Variants in GALNT13 observed in about 807,000 individuals in gnomAD.
GALNT13 encodes the protein UDP-GalNAc:polypeptide N-acetylgalactosaminyltransferase 13.
In GALNT13, 28 loss-of-function variants were observed where a neutral mutation model predicts 64.2. The observed-to-expected ratio is 0.44, with a 90% CI of 0.32 to 0.60. GALNT13 has a LOEUF of 0.60. Ranked by LOEUF, GALNT13 falls within the 20% of genes least tolerant of loss-of-function variation. The pLI, the probability that GALNT13 is intolerant of heterozygous loss-of-function variation, is 0.05. For missense variants in GALNT13, 577 were observed against 669.8 expected (o/e 0.86, Z 1.53); for synonymous variants, 214 against 224.6 (o/e 0.95, Z 0.42).
intron 3 of GALNT13, among the ~76,000 whole-genome samples, chr2:154,121,600 TAA>T (rs1055382140): frequency 2.6e-5 from 4 of 152,158 alleles, no homozygotes; most frequent in South Asian, 2.1e-4. Context: ...TGTTAAATAT[TAA>T]GAGTACATTT....
In GALNT13 at chr2:153,977,390, T is replaced by C. The variant is rs560115267; in HGVS notation, c.142+32751T>C. 6.6e-5 allele frequency among the ~76,000 whole-genome samples: 10 copies of C among 152,186 alleles called. No homozygotes were observed. The South Asian group carries it at 2.1e-3, about 32-fold the overall frequency. ...AAGGCTGGAGAAACCTCAGGAAACT[T>C]TAAAGCAGAAAGGGAAGCAAACACA... On this transcript the variant is annotated intron_variant, in intron 3 of 12. Coordinates refer to ENST00000392825, the MANE Select transcript of GALNT13 (RefSeq NM_052917.4).
chr2:154,382,817 G>C (rs754346193), intron 9 of GALNT13, among the ~76,000 whole-genome samples: 38 of 150,700 alleles, frequency 2.5e-4, no homozygotes, highest in Non-Finnish European at 4.3e-4. Context: ...AGTTTCTACT[G>C]TTCTTAGTAG....
chr2:153,892,133 A>G (rs967728238), intron 1 of GALNT13, among the ~76,000 whole-genome samples: 1 of 151,980 alleles, frequency 6.6e-6, no homozygotes, highest in Non-Finnish European at 1.5e-5. Flanking sequence ...GTGCCCTCAC[A>G]TGCCTCCCAT....
chr2:153,297,113 T>G, the GALNT13 span, among the ~76,000 whole-genome samples: 1 of 152,180 alleles, frequency 6.6e-6, no homozygotes, highest in African/African-American at 2.4e-5. Flanking sequence ...CAGACAGTAT[T>G]AAACTTTTAA....
intron 8 of GALNT13, among the ~76,000 whole-genome samples, chr2:154,289,242 A>C (rs1692461277): frequency 6.6e-6 from 1 of 152,216 alleles, no homozygotes; most frequent in African/African-American, 2.4e-5. Flanking sequence ...CCAAGTCCCA[A>C]GACTGCATAA....
the GALNT13 span, among the ~76,000 whole-genome samples, chr2:153,629,033 T>A: frequency 6.6e-6 from 1 of 152,178 alleles, no homozygotes; most frequent in Non-Finnish European, 1.5e-5. Context: ...AGCCTGTTAT[T>A]GGTCTATTCA....
chr2:153,368,699 G>A, the GALNT13 span, among the ~76,000 whole-genome samples: 1 of 152,186 alleles, frequency 6.6e-6, no homozygotes, highest in East Asian at 1.9e-4. Context: ...GCTGAGAGGT[G>A]AAATAAACAA....
At chr2:153,721,612 G>A in the GALNT13 span, among the ~76,000 whole-genome samples, 122 of 149,758 alleles carry the variant, frequency 8.1e-4, no homozygotes, top group African/African-American at 2.8e-3. Flanking sequence ...AAGGATGGAG[G>A]AAGATCTACC....
chr2:153,881,971 T>A (rs1686814937), intron 1 of GALNT13, among the ~76,000 whole-genome samples: 1 of 152,068 alleles, frequency 6.6e-6, no homozygotes. Context: ...GGCTCTTGGG[T>A]TTTTTTCATT....
Position 154,450,665 on chromosome 2 carries a change from C to G in GALNT13, c.*114C>G. On this transcript the variant is annotated 3_prime_UTR_variant, in exon 13 of 13. Transcript: ENST00000392825. ...AAGTTTTAAAAATCCTTTTAGTATT[C>G]TAAAACACAATTGTTTCTAATTCGT... The G allele has an allele frequency of 1.0e-6, 1 of 954,554 alleles. No individual in the cohort carries two copies. Among genetic ancestry groups the G allele is most frequent in the Non-Finnish European group, 1.5e-6 (1 of 670,876 alleles). The allele number at this position is 954,554 out of a possible 1,614,324, so 59.1% of individuals were successfully genotyped here.
chr2:154,298,660 TTTATATATACATTGTATATAC>T (rs1693176527), intron 8 of GALNT13, among the ~76,000 whole-genome samples: 2 of 53,898 alleles, frequency 3.7e-5, no homozygotes, highest in African/African-American at 8.9e-5. Context: ...GTATATACAA[TTTATATATACATTGTATATAC>T]AATTTATATA....
chr2:154,243,008 G>A, intron 6 of GALNT13, 103 bp downstream of exon 6: 2 of 942,684 alleles, frequency 2.1e-6, no homozygotes, highest in Non-Finnish European at 3.2e-6. Context: ...TTTTTAGAAG[G>A]TTTATTTTAT....
the GALNT13 span, among the ~76,000 whole-genome samples, chr2:153,104,917 G>A: frequency 2.0e-5 from 3 of 151,216 alleles, no homozygotes; most frequent in Non-Finnish European, 4.4e-5. Context: ...TTAAGTTTTA[G>A]GGTACATGTG....
chr2:153,772,589 C>T, the GALNT13 span, among the ~76,000 whole-genome samples: 5 of 152,196 alleles, frequency 3.3e-5, no homozygotes, highest in African/African-American at 1.2e-4. Context: ...AAGAGTTTAT[C>T]TTTATGCACT....
chr2:153,851,153 T>C, the GALNT13 span, among the ~76,000 whole-genome samples: 1 of 151,976 alleles, frequency 6.6e-6, no homozygotes, highest in Admixed American at 6.6e-5. Context: ...CTCAAATGTA[T>C]CTAGAAAAAG....
the GALNT13 span, among the ~76,000 whole-genome samples, chr2:153,707,295 G>A: frequency 6.6e-6 from 1 of 152,086 alleles, no homozygotes; most frequent in African/African-American, 2.4e-5. Context: ...AGTTCCATTG[G>A]TCAAAGGTAA....
the GALNT13 span, among the ~76,000 whole-genome samples, chr2:153,527,744 G>C: frequency 1.3e-5 from 2 of 152,058 alleles, no homozygotes; most frequent in African/African-American, 4.8e-5. Context: ...AGTATCATAA[G>C]ATATAAATGG....
At chr2:154,270,474 T>G (rs1407580289) in intron 8 of GALNT13, among the ~76,000 whole-genome samples, 1 of 151,882 alleles carries the variant, frequency 6.6e-6, no homozygotes, top group Admixed American at 6.6e-5. Flanking sequence ...AACCACTTAT[T>G]TATACCTTTT....
chr2:154,068,338 A>T (rs1249385866), intron 3 of GALNT13, among the ~76,000 whole-genome samples: 1 of 151,978 alleles, frequency 6.6e-6, no homozygotes, highest in Non-Finnish European at 1.5e-5. Flanking sequence ...GATCTGCCAT[A>T]TGATCCTGCA....
Sources: allele counts gnomAD v4.1 joint callset (sites outside exome capture counted in the v4.1 genomes callset), GRCh38; gene constraint gnomAD v4.1.1; transcripts MANE v1.5; gene names NCBI Gene and HGNC (gene_info 2026-07-23, HGNC 2026-07-21).